Variants in HLCS observed in about 807,000 individuals in gnomAD.
HLCS encodes the protein biotin--protein ligase.
Under a neutral mutation model 75.0 loss-of-function variants are expected in HLCS, and 53 were observed. That is an observed-to-expected ratio of 0.71 (90% CI 0.57 to 0.89). The LOEUF is 0.89. HLCS is among the 40% of genes least tolerant of loss of function. HLCS has a pLI of 0.00. For missense variants in HLCS, 966 were observed against 1,074.0 expected, an observed-to-expected ratio of 0.90 and a Z score of 1.41; for synonymous variants, 431 against 428.6, an observed-to-expected ratio of 1.01 and a Z score of -0.07.
intron 1 of HLCS, among the ~76,000 whole-genome samples, chr21:36,965,560 A>T (rs1227428920): frequency 1.3e-5 from 2 of 152,202 alleles, no homozygotes; most frequent in African/African-American, 4.8e-5. Context: ...AAAAAAACAA[A>T]GGCTGACTGT....
At chr21:36,771,799 G>T (rs553371090) in intron 6 of HLCS, among the ~76,000 whole-genome samples, 1 of 152,224 alleles carries the variant, frequency 6.6e-6, no homozygotes, top group East Asian at 1.9e-4. Context: ...AGGAGTTCGG[G>T]ACCAGCTGGC....
At chr21:36,786,021 G>A (rs562628299) in intron 6 of HLCS, among the ~76,000 whole-genome samples, 5 of 152,282 alleles carry the variant, frequency 3.3e-5, no homozygotes, top group African/African-American at 1.2e-4. Flanking sequence ...GCTCAGCATG[G>A]TGGGATGGGC....
chr21:36,966,929 G>T (rs939617815), upstream of HLCS, among the ~76,000 whole-genome samples: 1 of 151,618 alleles, frequency 6.6e-6, no homozygotes, highest in Non-Finnish European at 1.5e-5. Context: ...TGTGCACCGG[G>T]GTCAGGGGAC....
chr21:36,916,545 T>A (rs573315043), intron 5 of HLCS, among the ~76,000 whole-genome samples: 17,685 of 134,750 alleles, frequency 0.13, 1,263 homozygotes, highest in Non-Finnish European at 0.17. Flanking sequence ...TTTTTTTTTT[T>A]ATCTTTTGTA....
chr21:36,972,849 A>G (rs1434281620), intron 1 of HLCS, among the ~76,000 whole-genome samples: 4 of 152,222 alleles, frequency 2.6e-5, no homozygotes, highest in Non-Finnish European at 5.9e-5. Context: ...CCATATTAAT[A>G]TACTGAATCT....
intron 5 of HLCS, among the ~76,000 whole-genome samples, chr21:36,928,566 C>A (rs922918339): frequency 6.6e-5 from 10 of 151,982 alleles, no homozygotes; most frequent in Non-Finnish European, 8.8e-5. Flanking sequence ...CAAGACCCTG[C>A]CTCAAAAACT....
intron 6 of HLCS, among the ~76,000 whole-genome samples, chr21:36,839,586 T>C (rs1257614940): frequency 6.6e-6 from 1 of 152,154 alleles, no homozygotes; most frequent in African/African-American, 2.4e-5. Context: ...GGACCAGATA[T>C]ATGCCAGAAG....
chr21:36,827,245 C>G (rs758958647), intron 6 of HLCS, among the ~76,000 whole-genome samples: 5 of 152,022 alleles, frequency 3.3e-5, no homozygotes, highest in African/African-American at 9.7e-5. Flanking sequence ...TGTTCTTCAG[C>G]GAGCATACTC....
intron 6 of HLCS, among the ~76,000 whole-genome samples, chr21:36,775,901 G>C (rs1195753656): frequency 6.6e-6 from 1 of 152,198 alleles, no homozygotes; most frequent in African/African-American, 2.4e-5. Context: ...TGTTTCAACT[G>C]GTCACCTGGA....
intron 5 of HLCS, among the ~76,000 whole-genome samples, chr21:36,903,904 T>C (rs1008873219): frequency 6.6e-6 from 1 of 152,036 alleles, no homozygotes; most frequent in African/African-American, 2.4e-5. Context: ...GTCATCAGGG[T>C]AGGGCACCTA....
intron 8 of HLCS, among the ~76,000 whole-genome samples, chr21:36,763,064 G>A (rs1377595551): frequency 2.6e-5 from 4 of 152,170 alleles, no homozygotes; most frequent in South Asian, 2.1e-4. Context: ...TCACTCTGTC[G>A]TCCAGGCTGG....
intron 2 of HLCS, among the ~76,000 whole-genome samples, chr21:36,953,378 G>A (rs1266374477): frequency 6.6e-6 from 1 of 152,154 alleles, no homozygotes; most frequent in East Asian, 1.9e-4. Context: ...TCTAGCAAGA[G>A]AGAACCACTA....
intron 1 of HLCS, 25 bp downstream of exon 1, chr21:36,966,419 T>TCGGCCG: frequency 2.1e-6 from 1 of 472,370 alleles, no homozygotes; most frequent in Non-Finnish European, 2.8e-6. Context: ...GGGGCCCGGG[T>TCGGCCG]CGCCCGCCCG....
intron 6 of HLCS, among the ~76,000 whole-genome samples, chr21:36,774,107 G>C (rs2060287210): frequency 6.6e-6 from 1 of 152,200 alleles, no homozygotes; most frequent in East Asian, 1.9e-4. Context: ...TGAGGCCCAT[G>C]AGACAGCTGT....
intron 6 of HLCS, among the ~76,000 whole-genome samples, chr21:36,786,425 G>C (rs1211405768): frequency 6.6e-6 from 1 of 152,064 alleles, no homozygotes; most frequent in Non-Finnish European, 1.5e-5. Flanking sequence ...GACACACTGG[G>C]AACGTTCCAA....
intron 1 of HLCS, 21 bp downstream of exon 1, chr21:36,966,423 C>CT: frequency 4.4e-6 from 2 of 458,632 alleles, no homozygotes; most frequent in Non-Finnish European, 5.7e-6. Flanking sequence ...CCCGGGTCGC[C>CT]CGCCCGCCCG....
At position 36,752,761 on chromosome 21, in the gene HLCS, A is replaced by C. The variant is rs2089417112; in HGVS notation, c.*1485T>G. On this transcript the variant is annotated 3_prime_UTR_variant, in exon 11 of 11. Coordinates refer to ENST00000674895, the MANE Select transcript of HLCS (RefSeq NM_001352514.2). ...AAAAATATATATTGGGTATTTTTTCATAGGGCTGTCCTGTGCCTGGCTAAA... is the reference window on the plus strand; with the variant it reads ...AAAAATATATATTGGGTATTTTTTCCTAGGGCTGTCCTGTGCCTGGCTAAA... 1 of 152,160 alleles carries C rather than the reference A, an allele frequency of 6.6e-6. No individual in the cohort carries two copies. Among genetic ancestry groups the C allele is most frequent in the Non-Finnish European group, 1.5e-5 (1 of 68,032 alleles). 9.4% of individuals were successfully genotyped at this position (152,160 alleles called of 1,614,324 possible). A position where few individuals can be genotyped will look rare whatever the true frequency, so the allele number is the denominator to read the frequency against.
intron 6 of HLCS, among the ~76,000 whole-genome samples, chr21:36,865,770 A>G (rs1254844023): frequency 1.3e-5 from 2 of 152,240 alleles, no homozygotes; most frequent in Non-Finnish European, 2.9e-5. Context: ...TACATACTTT[A>G]TATAACATCA....
At chr21:36,813,328 A>G (rs552472019) in intron 6 of HLCS, among the ~76,000 whole-genome samples, 19 of 152,306 alleles carry the variant, frequency 1.2e-4, no homozygotes, top group African/African-American at 4.6e-4. Flanking sequence ...AATCTCACTC[A>G]TGCCTGAACT....
Sources: allele counts gnomAD v4.1 joint callset (sites outside exome capture counted in the v4.1 genomes callset), GRCh38; gene constraint gnomAD v4.1.1; transcripts MANE v1.5; gene names NCBI Gene and HGNC (gene_info 2026-07-23, HGNC 2026-07-21).